ASIC2: variants seen among roughly 807,000 people sequenced by gnomAD.
The protein encoded by ASIC2 is acid sensing ion channel subunit 2.
A neutral mutation model predicts 57.3 loss-of-function variants in ASIC2; 25 were observed. The observed-to-expected ratio is 0.44, with a 90% CI of 0.32 to 0.61. The LOEUF (loss-of-function observed/expected upper bound fraction) is 0.61, where lower values mean the gene tolerates loss of function less well. Among genes scored for constraint, ASIC2 ranks in the 20% least tolerant of loss-of-function variants. The pLI is 0.06. For missense variants in ASIC2, 641 were observed against 738.1 expected (o/e 0.87, Z 1.52); for synonymous variants, 319 against 307.5 (o/e 1.04, Z -0.39).
intron 1 of ASIC2, among the ~76,000 whole-genome samples, chr17:33,715,830 AAG>A (rs1270164396): frequency 2.6e-5 from 4 of 152,142 alleles, no homozygotes; most frequent in Admixed American, 6.5e-5. Context: ...GTGTCAGGAG[AAG>A]AGCCAAACCA....
chr17:33,969,516 G>A (rs1410416816), intron 1 of ASIC2, among the ~76,000 whole-genome samples: 1 of 152,204 alleles, frequency 6.6e-6, no homozygotes, highest in East Asian at 1.9e-4. Context: ...ATCAGCAGAG[G>A]ATCTGGGGAA....
intron 1 of ASIC2, among the ~76,000 whole-genome samples, chr17:33,337,557 A>G (rs144670625): frequency 1.3e-5 from 2 of 152,362 alleles, no homozygotes; most frequent in Non-Finnish European, 2.9e-5. Flanking sequence ...TGCTTTTAGC[A>G]TTCTTGTAAA....
chr17:33,068,251 C>T (rs1891924702), intron 3 of ASIC2, among the ~76,000 whole-genome samples: 1 of 152,182 alleles, frequency 6.6e-6, no homozygotes, highest in African/African-American at 2.4e-5. Flanking sequence ...CAGTCATGAG[C>T]AAGCCAGGAT....
At chr17:34,040,808 A>G (rs1201360959) in intron 1 of ASIC2, among the ~76,000 whole-genome samples, 1 of 152,210 alleles carries the variant, frequency 6.6e-6, no homozygotes, top group African/African-American at 2.4e-5. Context: ...AGTTTGAGGG[A>G]AAAACACCAA....
At chr17:33,727,731 C>T (rs118181487) in intron 1 of ASIC2, among the ~76,000 whole-genome samples, 9 of 152,270 alleles carry the variant, frequency 5.9e-5, no homozygotes, top group East Asian at 1.9e-4. Context: ...GTCTGCAGAA[C>T]GATCAGCCAA....
chr17:33,517,533 C>T (rs532438908), intron 1 of ASIC2, among the ~76,000 whole-genome samples: 164 of 152,252 alleles, frequency 1.1e-3, no homozygotes, highest in African/African-American at 3.7e-3. Context: ...TGTGAGGTTG[C>T]AGTCAAGATG....
At chr17:33,478,993 GTTTTA>G (rs898683564) in intron 1 of ASIC2, among the ~76,000 whole-genome samples, 2 of 152,128 alleles carry the variant, frequency 1.3e-5, no homozygotes, top group South Asian at 2.1e-4. Context: ...ACTTCCAGGA[GTTTTA>G]TTTTATTTTA....
chr17:34,085,371 C>G (rs546078145), intron 1 of ASIC2, among the ~76,000 whole-genome samples: 13 of 152,344 alleles, frequency 8.5e-5, no homozygotes, highest in Admixed American at 3.3e-4. Flanking sequence ...ACCAGACTTG[C>G]ATCCCAGGGA....
At chr17:33,123,741 C>T (rs2092312002) in intron 1 of ASIC2, among the ~76,000 whole-genome samples, 1 of 152,170 alleles carries the variant, frequency 6.6e-6, no homozygotes. Context: ...TGGGCTAATT[C>T]CTACTGCTGT....
intron 1 of ASIC2, among the ~76,000 whole-genome samples, chr17:33,269,483 T>C (rs1005006268): frequency 2.6e-5 from 4 of 152,050 alleles, no homozygotes; most frequent in African/African-American, 9.7e-5. Flanking sequence ...CCCTCCTCCA[T>C]CCCCCAAACA....
intron 1 of ASIC2, among the ~76,000 whole-genome samples, chr17:33,826,462 A>C (rs1011363187): frequency 8.5e-5 from 13 of 152,210 alleles, no homozygotes; most frequent in African/African-American, 3.1e-4. Context: ...GTGATCTCAG[A>C]CTGAATTTTT....
chr17:33,646,080 A>G (rs1906729759), intron 1 of ASIC2, among the ~76,000 whole-genome samples: 2 of 152,154 alleles, frequency 1.3e-5, no homozygotes, highest in African/African-American at 4.8e-5. Context: ...CTCTGTCATT[A>G]GCACCTGAAT....
intron 1 of ASIC2, among the ~76,000 whole-genome samples, chr17:34,013,330 C>T (rs909996022): frequency 3.9e-5 from 6 of 152,188 alleles, no homozygotes; most frequent in African/African-American, 9.7e-5. Context: ...GACTGTAGAA[C>T]TAGAATGCTC....
At chr17:34,145,745 G>C (rs1366303157) in intron 1 of ASIC2, among the ~76,000 whole-genome samples, 1 of 152,198 alleles carries the variant, frequency 6.6e-6, no homozygotes, top group South Asian at 2.1e-4. Context: ...AGCTGTCTGA[G>C]TTCTTTCATA....
At chr17:33,021,469 C>G (rs1408544818) in intron 6 of ASIC2, among the ~76,000 whole-genome samples, 159 bp from the exon 7 acceptor site, 5 of 152,238 alleles carry the variant, frequency 3.3e-5, no homozygotes, top group Non-Finnish European at 5.9e-5. Flanking sequence ...GCTGCGGCTT[C>G]AAGCCAAGAA....
intron 1 of ASIC2, among the ~76,000 whole-genome samples, chr17:33,886,380 G>A (rs7218772): frequency 0.011 from 1,668 of 152,214 alleles, 27 homozygotes; most frequent in African/African-American, 0.038. Flanking sequence ...AACAGAAATC[G>A]GATCAGAAAG....
Position 34,136,989 on chromosome 17 carries a change from G to T in ASIC2, c.555+18989C>A, listed in dbSNP as rs137953239. On this transcript the variant is annotated intron_variant, in intron 1 of 9. Coordinates refer to the ASIC2 transcript ENST00000359872. Reference sequence around the variant, plus strand: ...AGATCCTCACCTGCTCTTTTCACTTGTTATATTCTACTCCTTTTGAAGGCA... The same window carrying T: ...AGATCCTCACCTGCTCTTTTCACTTTTTATATTCTACTCCTTTTGAAGGCA... Among the ~76,000 whole-genome samples, 574 of 152,240 alleles carry T rather than the reference G, an allele frequency of 3.8e-3. 1 individual carries two copies. Among genetic ancestry groups the T allele is most frequent in the Middle Eastern group, 0.017 (5 of 294 alleles).
intron 1 of ASIC2, among the ~76,000 whole-genome samples, chr17:33,682,522 A>G (rs11080233): frequency 0.14 from 21,824 of 152,116 alleles, 1,762 homozygotes; most frequent in East Asian, 0.22. Flanking sequence ...TGTTAGAATA[A>G]TCTTCATGTT....
intron 1 of ASIC2, among the ~76,000 whole-genome samples, chr17:34,122,288 C>T (rs1243744409): frequency 1.3e-5 from 2 of 152,150 alleles, no homozygotes; most frequent in Admixed American, 6.5e-5. Flanking sequence ...TCAGCACACC[C>T]AGATAGCAAG....
Sources: allele counts gnomAD v4.1 joint callset (sites outside exome capture counted in the v4.1 genomes callset), GRCh38; gene constraint gnomAD v4.1.1; transcripts MANE v1.5; gene names NCBI Gene and HGNC (gene_info 2026-07-23, HGNC 2026-07-21).